The following SV2B variants were observed in gnomAD, a reference collection of about 807,000 sequenced individuals.
SV2B encodes synaptic vesicle glycoprotein 2B.
SV2B carries 41 observed loss-of-function variants against 73.9 expected under a neutral mutation model. That is an observed-to-expected ratio of 0.56 (90% confidence interval 0.43 to 0.72). The LOEUF (loss-of-function observed/expected upper bound fraction) is 0.72. Among genes scored for constraint, SV2B ranks in the 30% least tolerant of loss-of-function variants. The probability of loss-of-function intolerance (pLI) is 0.00; values close to 1 mark genes in which losing one functional copy is unlikely to be tolerated. For missense variants in SV2B, 764 were observed against 857.8 expected (o/e 0.89, Z 1.37); for synonymous variants, 314 against 314.2 (o/e 1.00, Z 0.01).
In SV2B at chr15:91,231,048, G is replaced by T. The variant is rs2046554141; in HGVS notation, c.451+4334G>T. ...TTTCTTCTGAGATTCCACAGTTTTT[G>T]GTGGTTGATGAGTGAATCCACATGT... On this transcript the variant is annotated intron_variant, in intron 2 of 12. Transcript: ENST00000394232. The surrounding 1 kb of genome is among the most constrained non-coding windows in gnomAD (Gnocchi z 4.5). Among the ~76,000 whole-genome samples, 1 of 152,060 alleles carries T rather than the reference G, an allele frequency of 6.6e-6. No homozygotes were observed. The highest frequency in any genetic ancestry group is 2.4e-5 in the African/African-American group (1 of 41,374).
Position 91,231,231 on chromosome 15 carries a change from G to C in SV2B, c.451+4517G>C, listed in dbSNP as rs923448519. ...ACTGACAACGGATTGCCATGTTTAG[G>C]AGTGCGGACTTGATTCCACTGGTAG... On this transcript the variant is annotated intron_variant, in intron 2 of 12. Transcript: ENST00000394232. The surrounding 1 kb of genome is among the most constrained non-coding windows in gnomAD (Gnocchi z 4.5). 3.9e-5 allele frequency among the ~76,000 whole-genome samples: 6 copies of C among 152,164 alleles called. No homozygotes were observed. Among genetic ancestry groups the C allele is most frequent in the Non-Finnish European group, 8.8e-5 (6 of 68,032 alleles).
At chr15:91,211,315 A>G (rs1445313319) in intron 1 of SV2B, among the ~76,000 whole-genome samples, 3 of 152,186 alleles carry the variant, frequency 2.0e-5, no homozygotes, top group Non-Finnish European at 2.9e-5. Context: ...TGTCAACCTC[A>G]TGAGAAGGGG....
chr15:91,102,404 A>G (rs755893529), intron 1 of SV2B: 5 of 152,242 alleles, frequency 3.3e-5, no homozygotes, highest in Non-Finnish European at 5.9e-5. Flanking sequence ...TAGGATTCTT[A>G]TAATAATTAA....
chr15:91,284,086 G>T lies in SV2B; in HGVS notation c.1573G>T (p.Gly525Cys), dbSNP rs894095304. 6.2e-7 allele frequency: 1 copy of T among 1,614,042 alleles called. No individual in the cohort carries two copies. Among genetic ancestry groups the T allele is most frequent in the African/African-American group, 1.3e-5 (1 of 74,908 alleles). The change falls in exon 11 of 13, where the codon GGC becomes TGC. Residue 525 changes from glycine (G) to cysteine (C), a missense_variant. Physicochemically the swap from Gly to Cys is radical, Grantham distance 159. Coordinates refer to ENST00000394232, the MANE Select transcript of SV2B (RefSeq NM_001323032.3). This position sits in a 1 kb window ranked among gnomAD's most constrained non-coding sequence, Gnocchi z 4.5. The stretch of plus-strand genomic sequence containing the variant: ...CTCCACCTTCCTGGAGCAGAAGGAG[G>T]GCTGCCACATGGACTTGGAGCAAGA... The part of the protein sequence containing the change: ...INSTFLEQKE[G>C]CHMDLEQDND...
In SV2B at chr15:91,283,899, T is replaced by C; in HGVS notation, c.1508-122T>C. ...ACATATTACCTTGACTTTGAGGCTG[T>C]CTGACTGGCAAAGGCTGGCACAGCC... On this transcript the variant is annotated intron_variant, in intron 10 of 12. Transcript: ENST00000394232. This position sits in a 1 kb window ranked among gnomAD's most constrained non-coding sequence, Gnocchi z 4.3. 4.5e-6 allele frequency: 4 copies of C among 890,574 alleles called. No individual in the cohort carries two copies. In the East Asian group the frequency reaches 1.0e-4, roughly 22 times the overall value. 55.2% of individuals were successfully genotyped at this position (890,574 alleles called of 1,614,324 possible).
rs1459896651 is a variant in SV2B, at chr15:91,118,612, G to A, written c.-392+18249G>A. 6.6e-6 allele frequency among the ~76,000 whole-genome samples: 1 copy of A among 152,120 alleles called. No homozygotes were observed. Among genetic ancestry groups the A allele is most frequent in the Non-Finnish European group, 1.5e-5 (1 of 68,024 alleles). On this transcript the variant is annotated intron_variant, in intron 1 of 12. Coordinates refer to ENST00000394232, the MANE Select transcript of SV2B (RefSeq NM_001323032.3). This position sits in a 1 kb window ranked among gnomAD's most constrained non-coding sequence, Gnocchi z 4.7. The stretch of plus-strand genomic sequence containing the variant: ...TGTGGACAGCTGGAGGGTCTGAAGC[G>A]GGACCCAGCTGCCCCTTTCTGAGAG...
At chr15:91,186,118 A>C (rs1368852226) in intron 1 of SV2B, among the ~76,000 whole-genome samples, 1 of 152,178 alleles carries the variant, frequency 6.6e-6, no homozygotes. Context: ...AGAATTACCT[A>C]CTTACTTTCT....
In SV2B at chr15:91,137,596, T is replaced by TAC. The variant is rs1283302346; in HGVS notation, c.-392+37234_-392+37235insCA. 6.8e-6 allele frequency among the ~76,000 whole-genome samples: 1 copy of TAC among 146,132 alleles called. No individual in the cohort carries two copies. On this transcript the variant is annotated intron_variant, in intron 1 of 12. Coordinates refer to ENST00000394232, the MANE Select transcript of SV2B (RefSeq NM_001323032.3). The surrounding 1 kb of genome is among the most constrained non-coding windows in gnomAD (Gnocchi z 4.9). ...TATATATATATATATTTCTCATATA[T>TAC]ATATATATTTCATATATATATTTCA...
At chr15:91,163,791 G>A (rs536173957) in intron 1 of SV2B, among the ~76,000 whole-genome samples, 1 of 152,236 alleles carries the variant, frequency 6.6e-6, no homozygotes, top group Non-Finnish European at 1.5e-5. Flanking sequence ...GTCAATTTTG[G>A]CTTTTGTTGC....
chr15:91,189,782 A>G (rs1427652970), intron 1 of SV2B, among the ~76,000 whole-genome samples: 2 of 152,332 alleles, frequency 1.3e-5, no homozygotes, highest in African/African-American at 4.8e-5. Context: ...AGGTCAGGAG[A>G]TCGAGACCGT....
At chr15:91,171,598 T>C (rs1214055095) in intron 1 of SV2B, among the ~76,000 whole-genome samples, 1 of 152,082 alleles carries the variant, frequency 6.6e-6, no homozygotes, top group Non-Finnish European at 1.5e-5. Flanking sequence ...TTGGAATGGG[T>C]CTCAGAGACC....
At chr15:91,178,011 A>G (rs1023070054) in intron 1 of SV2B, among the ~76,000 whole-genome samples, 2 of 151,214 alleles carry the variant, frequency 1.3e-5, no homozygotes. Context: ...CCCATTCAGT[A>G]TGATATTGGT....
chr15:91,283,772 G>A lies in SV2B; in HGVS notation c.1508-249G>A, dbSNP rs555478316. On this transcript the variant is annotated intron_variant, in intron 10 of 12. Transcript: ENST00000394232. The surrounding 1 kb of genome is among the most constrained non-coding windows in gnomAD (Gnocchi z 4.3). The stretch of plus-strand genomic sequence containing the variant: ...CCTGGCTGAGAGGATGCATTTTGAA[G>A]TCTCTCAATGTTAGTTTAATTTCCC... 6.6e-5 allele frequency among the ~76,000 whole-genome samples: 10 copies of A among 151,958 alleles called. No individual in the cohort carries two copies. Among genetic ancestry groups the A allele is most frequent in the African/African-American group, 2.2e-4 (9 of 41,296 alleles).
At position 91,223,730 on chromosome 15, in the gene SV2B, G is replaced by A. The variant is rs770558519; in HGVS notation, c.-391-2143G>A. ...AACAGATTTAGAATATTAATCTGAC[G>A]TGGTTCAGGCCAACATGGTCTAATA... On this transcript the variant is annotated intron_variant, in intron 1 of 12. Transcript: ENST00000394232. The surrounding 1 kb of genome is among the most constrained non-coding windows in gnomAD (Gnocchi z 4.6). Among the ~76,000 whole-genome samples, 1 of 152,194 alleles carries A rather than the reference G, an allele frequency of 6.6e-6. No individual in the cohort carries two copies. The highest frequency in any genetic ancestry group is 2.4e-5 in the African/African-American group (1 of 41,448).
At chr15:91,172,200 A>G (rs1010835964) in intron 1 of SV2B, among the ~76,000 whole-genome samples, 1 of 152,202 alleles carries the variant, frequency 6.6e-6, no homozygotes, top group African/African-American at 2.4e-5. Flanking sequence ...CTATCTTTCC[A>G]GCCTCTTCTC....
At position 91,281,463 on chromosome 15, in the gene SV2B, G is replaced by T. The variant is rs1376947503; in HGVS notation, c.1374-265G>T. Among the ~76,000 whole-genome samples the T allele has an allele frequency of 6.6e-6, 1 of 152,154 alleles. No homozygotes were observed. Among genetic ancestry groups the T allele is most frequent in the African/African-American group, 2.4e-5 (1 of 41,420 alleles). ...CATTTCTGTGATTCTGACTTAGAAG[G>T]TCCGTGGACCTGCCTTTGAAAACCA... On this transcript the variant is annotated intron_variant, in intron 9 of 12. Transcript: ENST00000394232. The surrounding 1 kb of genome is among the most constrained non-coding windows in gnomAD (Gnocchi z 4.7).
intron 1 of SV2B, among the ~76,000 whole-genome samples, chr15:91,112,461 GA>G (rs1309856121): frequency 1.3e-5 from 2 of 152,168 alleles, no homozygotes; most frequent in African/African-American, 4.8e-5. Context: ...TGAAGTCTTG[GA>G]AATGCTCTGA....
chr15:91,179,070 C>T (rs1282237665), intron 1 of SV2B, among the ~76,000 whole-genome samples: 1 of 151,782 alleles, frequency 6.6e-6, no homozygotes, highest in African/African-American at 2.4e-5. Flanking sequence ...TTGAATGTGT[C>T]CCAGAGATTC....
rs2045285560 is a variant in SV2B at position 91,197,339 on chromosome 15, CT to C, written c.-391-28533del. On this transcript the variant is annotated intron_variant, in intron 1 of 12. Transcript: ENST00000394232. The surrounding 1 kb of genome is among the most constrained non-coding windows in gnomAD (Gnocchi z 4.9). ...TGCTTCCTGGGTTCAAGCAATCCTC[CT>C]GCCTCAGCCTCCCGAGTAGCTGGGA... is the stretch of plus-strand genomic sequence containing the variant. Among the ~76,000 whole-genome samples, 1 of 152,052 alleles carries C rather than the reference CT, an allele frequency of 6.6e-6. No homozygotes were observed. Among genetic ancestry groups the C allele is most frequent in the Admixed American group, 6.6e-5 (1 of 15,258 alleles).
Sources: gnomAD v4.1 joint callset for allele counts (sites outside exome capture counted in the v4.1 genomes callset) on GRCh38, gnomAD v4.1.1 for gene constraint, Gnocchi (gnomAD v3.1) non-coding constraint, MANE v1.5 for transcripts, NCBI Gene and HGNC (gene_info 2026-07-23, HGNC 2026-07-21) for gene names.